SEL1L3: variants seen among roughly 807,000 people sequenced by gnomAD.
SEL1L3 encodes protein sel-1 homolog 3.
SEL1L3 carries 76 observed loss-of-function variants against 142.8 expected under a neutral mutation model. That is an observed-to-expected ratio of 0.53 (90% CI 0.44 to 0.64). SEL1L3 has a LOEUF of 0.64. Among genes scored for constraint, SEL1L3 ranks in the 30% least tolerant of loss-of-function variants. The pLI, the probability that SEL1L3 is intolerant of heterozygous loss-of-function variation, is 0.00. For missense variants in SEL1L3, 1,262 were observed against 1,381.7 expected, an observed-to-expected ratio of 0.91 and a Z score of 1.37; for synonymous variants, 504 against 519.6, an observed-to-expected ratio of 0.97 and a Z score of 0.41.
intron 9 of SEL1L3, among the ~76,000 whole-genome samples, chr4:25,814,893 C>T (rs1055720979): frequency 2.0e-5 from 3 of 151,954 alleles, no homozygotes; most frequent in African/African-American, 7.3e-5. Context: ...TAGCCCCAAG[C>T]AAGGGCACTG....
chr4:25,826,347 C>A (rs779043275), intron 6 of SEL1L3, among the ~76,000 whole-genome samples: 3 of 152,170 alleles, frequency 2.0e-5, no homozygotes, highest in African/African-American at 4.8e-5. Context: ...CCTTGTAGGA[C>A]AACAGTCATT....
chr4:25,855,775 GCA>G, intron 1 of SEL1L3, among the ~76,000 whole-genome samples: 2 of 151,842 alleles, frequency 1.3e-5, no homozygotes, highest in Non-Finnish European at 2.9e-5. Flanking sequence ...AAAAAAAAAA[GCA>G]CTGGGCATGG....
At chr4:25,720,481 A>AAACT in the SEL1L3 span, 1 of 152,128 alleles carries the variant, frequency 6.6e-6, no homozygotes. Flanking sequence ...AATTGATTGG[A>AAACT]AGTCAATGGT....
intron 10 of SEL1L3, 131 bp downstream of exon 10, chr4:25,804,410 A>C (rs1461748046): frequency 2.9e-6 from 2 of 688,418 alleles, no homozygotes; most frequent in African/African-American, 3.6e-5. Flanking sequence ...CAGGACATTT[A>C]TCTTGAGTGT....
chr4:25,852,185 C>A (rs1330482584), intron 1 of SEL1L3, among the ~76,000 whole-genome samples: 1 of 152,196 alleles, frequency 6.6e-6, no homozygotes, highest in Non-Finnish European at 1.5e-5. Context: ...CCAGTCTACT[C>A]TCTTATTCTG....
At chr4:25,832,917 G>C (rs1715534426) in intron 5 of SEL1L3, 78 bp downstream of exon 5, 2 of 863,756 alleles carry the variant, frequency 2.3e-6, no homozygotes, top group Middle Eastern at 2.2e-4. Context: ...AGATTTTGTT[G>C]CTCCCCGGCT....
the SEL1L3 span, among the ~76,000 whole-genome samples, chr4:25,733,513 T>C: frequency 6.8e-6 from 1 of 147,938 alleles, no homozygotes; most frequent in Non-Finnish European, 1.5e-5. Context: ...TTTTTTTTTA[T>C]ATTCCTTAGC....
chr4:25,775,441 T>G (rs56357707), intron 17 of SEL1L3, among the ~76,000 whole-genome samples: 9,862 of 152,320 alleles, frequency 0.065, 387 homozygotes, highest in Non-Finnish European at 0.083. Flanking sequence ...AATCAGAGTA[T>G]GATCAATGCT....
At chr4:25,808,009 G>A (rs1713717875) in intron 9 of SEL1L3, among the ~76,000 whole-genome samples, 1 of 152,062 alleles carries the variant, frequency 6.6e-6, no homozygotes, top group Non-Finnish European at 1.5e-5. Context: ...ATAATCCTAA[G>A]GTAAAACTGC....
At chr4:25,767,428 G>T in intron 19 of SEL1L3, 97 bp downstream of exon 19, 1 of 690,796 alleles carries the variant, frequency 1.4e-6, no homozygotes, top group Non-Finnish European at 2.6e-6. Flanking sequence ...TAATTATTTA[G>T]AAATACCTCA....
Position 25,784,265 on chromosome 4 carries a change from C to T in SEL1L3, c.2243G>A (p.Arg748Gln), listed in dbSNP as rs753184628. Residue 748 changes from arginine to glutamine, a missense_variant, in exon 14 of 24, where the codon CGG becomes CAG. Coordinates refer to ENST00000399878, the MANE Select transcript of SEL1L3 (RefSeq NM_015187.5). ...FKGQGVKKNR[R>Q]LALELMKKAA... The stretch of plus-strand genomic sequence containing the variant: ...TTTCTTCATCAGCTCTAAGGCAAGC[C>T]GTCTGTTCTTTTTTACTCCTTGACC... 4 of 1,613,558 alleles carry T rather than the reference C, an allele frequency of 2.5e-6. No homozygotes were observed. The highest frequency in any genetic ancestry group is 2.2e-5 in the East Asian group (1 of 44,882).
chr4:25,765,453 C>T lies in SEL1L3; in HGVS notation c.2846-18G>A. The T allele has an allele frequency of 6.6e-7, 1 of 1,521,780 alleles. No homozygotes were observed. Among genetic ancestry groups the T allele is most frequent in the Non-Finnish European group, 9.1e-7 (1 of 1,097,092 alleles). 94.3% of individuals were successfully genotyped at this position (1,521,780 alleles called of 1,614,324 possible). A position where few individuals can be genotyped will look rare whatever the true frequency, so the allele number is the denominator to read the frequency against. On this transcript the variant is annotated intron_variant, in intron 19 of 23. Coordinates refer to ENST00000399878, the MANE Select transcript of SEL1L3 (RefSeq NM_015187.5). ...CAAATATGCTGCAGGAAATAAAGCACAGATCCATTTGTCAAGTGGTTTTTT... is the reference window on the plus strand; with the variant it reads ...CAAATATGCTGCAGGAAATAAAGCATAGATCCATTTGTCAAGTGGTTTTTT...
intron 20 of SEL1L3, 117 bp from the exon 21 acceptor site, chr4:25,759,185 C>T: frequency 9.3e-7 from 1 of 1,074,034 alleles, no homozygotes; most frequent in Admixed American, 2.4e-5. Flanking sequence ...TCTCTAGAGC[C>T]AGATGGTTTT....
At chr4:25,743,651 A>G (rs1717179838), downstream of SEL1L3, among the ~76,000 whole-genome samples, 1 of 152,164 alleles carries the variant, frequency 6.6e-6, no homozygotes, top group Non-Finnish European at 1.5e-5. Context: ...AAACTGTTGC[A>G]TTGTTTTGAG....
At chr4:25,795,396 C>T (rs897181848) in intron 11 of SEL1L3, among the ~76,000 whole-genome samples, 1 of 152,106 alleles carries the variant, frequency 6.6e-6, no homozygotes, top group African/African-American at 2.4e-5. Flanking sequence ...AACTCAAAGC[C>T]TTAGGTTGTG....
rs574918122 is a variant in SEL1L3 at position 25,758,048 on chromosome 4, C to G, written c.3084-258G>C. 2.1e-3 allele frequency among the ~76,000 whole-genome samples: 313 copies of G among 152,274 alleles called. 3 individuals are homozygous for G. The highest frequency in any genetic ancestry group is 7.2e-3 in the African/African-American group (299 of 41,538). On this transcript the variant is annotated intron_variant, in intron 21 of 23. Coordinates refer to ENST00000399878, the MANE Select transcript of SEL1L3 (RefSeq NM_015187.5). Reference sequence around the variant, plus strand: ...TTAATTAAGAGTCAAGTCTGTTCTGCTGTGATGACAGCAAAAACTTAAAAA... The same window carrying G: ...TTAATTAAGAGTCAAGTCTGTTCTGGTGTGATGACAGCAAAAACTTAAAAA...
the SEL1L3 span, among the ~76,000 whole-genome samples, chr4:25,736,980 TC>T: frequency 8.1e-6 from 1 of 123,802 alleles, no homozygotes; most frequent in African/African-American, 2.8e-5. Context: ...TCTTTTTTTT[TC>T]TTTTTCTTTT....
At chr4:25,765,263 G>C in intron 20 of SEL1L3, 63 bp downstream of exon 20, 1 of 1,130,698 alleles carries the variant, frequency 8.8e-7, no homozygotes, top group Non-Finnish European at 1.4e-6. Flanking sequence ...CAAAGGGCTG[G>C]GATTACAGGC....
chr4:25,757,902 G>A (rs1440359547), intron 21 of SEL1L3, 112 bp from the exon 22 acceptor site: 1 of 730,932 alleles, frequency 1.4e-6, no homozygotes, highest in Non-Finnish European at 2.4e-6. Context: ...GGACAAATGA[G>A]CACACTCAAC....
Sources: allele counts gnomAD v4.1 joint callset (sites outside exome capture counted in the v4.1 genomes callset), GRCh38; gene constraint gnomAD v4.1.1; transcripts MANE v1.5; gene names NCBI Gene and HGNC (gene_info 2026-07-23, HGNC 2026-07-21).